The following MICAL2 variants were observed in gnomAD, a reference collection of about 807,000 sequenced individuals.
MICAL2 encodes the protein [F-actin]-monooxygenase MICAL2.
Under a neutral mutation model 127.3 loss-of-function variants are expected in MICAL2, and 77 were observed. The ratio of observed to expected loss-of-function variants is 0.60; its 90% CI spans 0.50 to 0.73. The LOEUF is 0.73. Ranked by LOEUF, MICAL2 falls within the 30% of genes least tolerant of loss-of-function variation. The pLI, the probability that MICAL2 is intolerant of heterozygous loss-of-function variation, is 0.00. For missense variants in MICAL2, 1,351 were observed against 1,434.4 expected, an observed-to-expected ratio of 0.94 and a Z score of 0.94; for synonymous variants, 570 against 551.1, an observed-to-expected ratio of 1.03 and a Z score of -0.48.
chr11:12,165,319 TGTG>T (rs948358692), intron 3 of MICAL2, among the ~76,000 whole-genome samples: 3 of 152,174 alleles, frequency 2.0e-5, no homozygotes, highest in African/African-American at 2.4e-5. Context: ...TACTCCTTGT[TGTG>T]AGTCAAAACA....
At chr11:12,349,864 C>G (rs2134898687) in exon 33 of MICAL2, 1 of 1,614,130 alleles carries the variant, frequency 6.2e-7, no homozygotes, top group Non-Finnish European at 8.5e-7. Flanking sequence ...TGAAGCACAG[C>G]TTTTGCAGGA....
chr11:12,331,025 C>A (rs1590740768), intron 32 of MICAL2, among the ~76,000 whole-genome samples: 1 of 152,066 alleles, frequency 6.6e-6, no homozygotes, highest in African/African-American at 2.4e-5. Flanking sequence ...CCAGGATATG[C>A]AGTAACCTGA....
At chr11:12,171,488 C>T (rs1856246105) in intron 3 of MICAL2, among the ~76,000 whole-genome samples, 1 of 152,178 alleles carries the variant, frequency 6.6e-6, no homozygotes, top group African/African-American at 2.4e-5. Flanking sequence ...ATTCCTTGAC[C>T]AGATAATTGT....
At chr11:12,129,475 C>T (rs992208981) in intron 1 of MICAL2, among the ~76,000 whole-genome samples, 1 of 152,072 alleles carries the variant, frequency 6.6e-6, no homozygotes, top group African/African-American at 2.4e-5. Flanking sequence ...ACGCACCCCC[C>T]TTCCTATCCC....
rs1859035519 is a variant in MICAL2, at chr11:12,236,193, G to T, written c.2012G>T (p.Gly671Val). 6.2e-7 allele frequency: 1 copy of T among 1,614,058 alleles called. No individual in the cohort carries two copies. The change falls in exon 16 of 28, where the codon GGA (glycine) becomes GTA (valine). Residue 671 changes from glycine to valine, a missense_variant. Coordinates refer to ENST00000683283, the MANE Select transcript of MICAL2 (RefSeq NM_001282663.2). ...CCATTGCAGGTGGATGGTCAAACCG[G>T]AGAGAATGACATGAACAAACGGAGA... Reference protein sequence around the residue: ...KRTPRVDGQTGENDMNKRRRK... With the variant: ...KRTPRVDGQTVENDMNKRRRK...
intron 2 of MICAL2, among the ~76,000 whole-genome samples, chr11:12,285,169 G>A (rs1278135077): frequency 2.8e-4 from 43 of 152,120 alleles, no homozygotes; most frequent in Admixed American, 2.8e-3. Context: ...CTCTTGCACT[G>A]AGTCAGTTCC....
intron 33 of MICAL2, among the ~76,000 whole-genome samples, chr11:12,353,539 G>T (rs1939085790): frequency 6.6e-6 from 1 of 152,134 alleles, no homozygotes; most frequent in Non-Finnish European, 1.5e-5. Flanking sequence ...TCTGTGTGTG[G>T]TCCTCCTTTC....
intron 3 of MICAL2, among the ~76,000 whole-genome samples, chr11:12,187,490 C>T (rs958071427): frequency 1.4e-4 from 21 of 152,314 alleles, no homozygotes; most frequent in African/African-American, 2.9e-4. Flanking sequence ...GTCCAGACAG[C>T]GGCAGGCCCT....
At chr11:12,288,016 C>T (rs146662670), downstream of MICAL2, among the ~76,000 whole-genome samples, 229 of 151,994 alleles carry the variant, frequency 1.5e-3, no homozygotes, top group Middle Eastern at 0.014. Context: ...GAGCCCTGGT[C>T]TTCCTTCCTT....
chr11:12,191,219 C>A (rs1017977954), intron 3 of MICAL2, among the ~76,000 whole-genome samples: 2 of 152,084 alleles, frequency 1.3e-5, no homozygotes, highest in African/African-American at 4.8e-5. Flanking sequence ...AATCCCAGCA[C>A]TTTGGGAGGC....
At chr11:12,148,055 G>A (rs574733141) in intron 2 of MICAL2, among the ~76,000 whole-genome samples, 11 of 152,112 alleles carry the variant, frequency 7.2e-5, no homozygotes, top group Admixed American at 3.3e-4. Flanking sequence ...TTAAGATCCC[G>A]CCCTGGTACC....
At chr11:12,347,652 G>A (rs943377324) in intron 32 of MICAL2, among the ~76,000 whole-genome samples, 3 of 151,958 alleles carry the variant, frequency 2.0e-5, no homozygotes, top group Non-Finnish European at 4.4e-5. Flanking sequence ...AAATAATACA[G>A]ATAGAAAAAC....
chr11:12,299,991 C>T (rs188978115), intron 29 of MICAL2, among the ~76,000 whole-genome samples: 155 of 152,258 alleles, frequency 1.0e-3, no homozygotes, highest in African/African-American at 3.6e-3. Context: ...AGCGTGCTTG[C>T]TGTGTAGAAT....
intron 3 of MICAL2, among the ~76,000 whole-genome samples, chr11:12,167,383 T>A (rs980141950): frequency 2.0e-5 from 3 of 152,074 alleles, no homozygotes; most frequent in Non-Finnish European, 4.4e-5. Flanking sequence ...CAGGCCCCGG[T>A]TTGTGCTCGA....
chr11:12,318,483 G>A lies in MICAL2; in HGVS notation c.5213-1213G>A, dbSNP rs1057243923. Among the ~76,000 whole-genome samples, 10 of 152,294 alleles carry A rather than the reference G, an allele frequency of 6.6e-5. 1 individual carries two copies. The highest frequency in any genetic ancestry group is 4.6e-4 in the Admixed American group (7 of 15,290). ...AACATATGTAAATGTGCTCCTGGAG[G>A]CTAAAGCACCCTTATTTTGTCAAAC... is the stretch of plus-strand genomic sequence containing the variant. On this transcript the variant is annotated intron_variant, in intron 29 of 34. Transcript: ENST00000646065.
Position 12,349,868 on chromosome 11 carries a change from T to A in MICAL2, c.5546T>A (p.Leu1849Ter), listed in dbSNP as rs1469902843. 1.9e-6 allele frequency: 3 copies of A among 1,614,062 alleles called. No homozygotes were observed. The African/African-American group carries it at 4.0e-5, about 22-fold the overall frequency. ...GGCACACAGGATGAAGCACAGCTTT[T>A]GCAGGAATGGTTTAAGCTGGTTCTG... The change falls in exon 33 of 35, where the codon TTG becomes TAG. Residue 1849 changes from leucine to a stop codon, truncating the protein, a stop_gained. Coordinates refer to the MICAL2 transcript ENST00000646065. LOFTEE classifies it high-confidence loss of function.
rs140052717 is a variant in MICAL2, at chr11:12,161,952, T to C, written c.-77-127T>C. On this transcript the variant is annotated intron_variant, in intron 2 of 27. Transcript: ENST00000683283. Reference sequence around the variant, plus strand: ...CTGTTATAAATATTTATGTTTAGTATTGAACACTAAATAGTGTGGTTAATA... The same window carrying C: ...CTGTTATAAATATTTATGTTTAGTACTGAACACTAAATAGTGTGGTTAATA... 6.8e-5 allele frequency: 43 copies of C among 636,498 alleles called. No individual in the cohort carries two copies. In the East Asian group the frequency reaches 1.2e-3, roughly 18 times the overall value. 39.4% of individuals were successfully genotyped at this position (636,498 alleles called of 1,614,324 possible). A position where few individuals can be genotyped will look rare whatever the true frequency, so the allele number is the denominator to read the frequency against.
chr11:12,327,252 T>C, exon 32 of MICAL2: 2 of 1,550,450 alleles, frequency 1.3e-6, no homozygotes, highest in Non-Finnish European at 1.7e-6. Flanking sequence ...GAGAAGGCGT[T>C]GCGAGGAGAA....
At chr11:12,156,113 C>T (rs1017161754) in intron 2 of MICAL2, among the ~76,000 whole-genome samples, 9 of 152,208 alleles carry the variant, frequency 5.9e-5, no homozygotes, top group Admixed American at 5.2e-4. Flanking sequence ...AGGCCAGGGC[C>T]TGCAGTGGAC....
Sources: allele counts gnomAD v4.1 joint callset (sites outside exome capture counted in the v4.1 genomes callset), GRCh38; gene constraint gnomAD v4.1.1; transcripts MANE v1.5; gene names NCBI Gene and HGNC (gene_info 2026-07-23, HGNC 2026-07-21).